Variants in SASH1 observed in about 807,000 individuals in gnomAD.
SASH1 encodes the protein SAM and SH3 domain containing 1, also known as SAM and SH3 domain-containing protein 1.
SASH1 carries 44 observed loss-of-function variants against 125.2 expected under a neutral mutation model. The observed-to-expected ratio is 0.35, with a 90% confidence interval of 0.28 to 0.45. The LOEUF (loss-of-function observed/expected upper bound fraction) is 0.45. Ranked by LOEUF, SASH1 falls within the 20% of genes least tolerant of loss-of-function variation. The probability of loss-of-function intolerance (pLI) is 1.00; values close to 1 mark genes in which losing one functional copy is unlikely to be tolerated. For missense variants in SASH1, 1,426 were observed against 1,614.5 expected, an observed-to-expected ratio of 0.88 and a Z score of 2.00; for synonymous variants, 639 against 649.1, an observed-to-expected ratio of 0.98 and a Z score of 0.24.
At position 148,380,129 on chromosome 6, in the gene SASH1, G is replaced by A. The variant is rs116754271; in HGVS notation, c.157-10005G>A. 5.3e-3 allele frequency among the ~76,000 whole-genome samples: 808 copies of A among 152,256 alleles called. 7 individuals are homozygous for A. Among genetic ancestry groups the A allele is most frequent in the African/African-American group, 0.018 (768 of 41,552 alleles). On this transcript the variant is annotated intron_variant, in intron 1 of 19. Transcript: ENST00000367467. ...GTCATGCCTGTTGTCAGTCAGTTTT[G>A]ATTGAGTTGTCTGGACTCCTGCGTC... is the stretch of plus-strand genomic sequence containing the variant.
chr6:148,454,604 G>T (rs1777251997), intron 4 of SASH1, among the ~76,000 whole-genome samples: 2 of 152,136 alleles, frequency 1.3e-5, no homozygotes, highest in Non-Finnish European at 2.9e-5. Flanking sequence ...TGGGGGAATG[G>T]GTGGTGGAGC....
intron 2 of SASH1, among the ~76,000 whole-genome samples, chr6:148,414,412 G>T (rs1784741679): frequency 6.6e-6 from 1 of 152,204 alleles, no homozygotes; most frequent in Admixed American, 6.5e-5. Flanking sequence ...CCTTGGCATT[G>T]CCACTTATTA....
chr6:148,491,538 G>C (rs1165539206), intron 8 of SASH1, among the ~76,000 whole-genome samples: 1 of 152,182 alleles, frequency 6.6e-6, no homozygotes, highest in Non-Finnish European at 1.5e-5. Flanking sequence ...CCAAAGTACT[G>C]GGATTACAGG....
chr6:148,352,758 CAGG>C (rs1248784109), intron 1 of SASH1, among the ~76,000 whole-genome samples: 1 of 151,976 alleles, frequency 6.6e-6, no homozygotes, highest in Admixed American at 6.6e-5. Flanking sequence ...GATCACCTGT[CAGG>C]AGTTCAAGAC....
intron 1 of SASH1, among the ~76,000 whole-genome samples, chr6:148,326,323 CATATATATATATATATATAT>C (rs56276306): frequency 1.1e-3 from 11 of 9,816 alleles, no homozygotes; most frequent in East Asian, 5.0e-3. Flanking sequence ...CCACCGCATG[CATATATATATATATATATAT>C]ATATATATAT....
At chr6:148,425,980 G>A (rs1476180312) in intron 2 of SASH1, among the ~76,000 whole-genome samples, 2 of 152,048 alleles carry the variant, frequency 1.3e-5, no homozygotes, top group South Asian at 2.1e-4. Context: ...ATGCCAAGGC[G>A]GGCAGATCAC....
At chr6:148,390,816 AT>A (rs1432473698) in intron 2 of SASH1, among the ~76,000 whole-genome samples, 1 of 151,674 alleles carries the variant, frequency 6.6e-6, no homozygotes, top group Non-Finnish European at 1.5e-5. Context: ...TTTTATTTTT[AT>A]TTTTTTACTT....
chr6:148,356,829 C>T (rs1781965149), intron 1 of SASH1, among the ~76,000 whole-genome samples: 1 of 152,170 alleles, frequency 6.6e-6, no homozygotes, highest in South Asian at 2.1e-4. Context: ...AAAGTGTTTT[C>T]CCTTTTCACC....
intron 1 of SASH1, among the ~76,000 whole-genome samples, chr6:148,386,147 T>C (rs1783357571): frequency 6.6e-6 from 1 of 152,128 alleles, no homozygotes; most frequent in Non-Finnish European, 1.5e-5. Context: ...CTTTGGAGTG[T>C]GGAGGGAGGG....
chr6:148,407,695 C>T (rs1562386893), intron 2 of SASH1, among the ~76,000 whole-genome samples: 2 of 152,292 alleles, frequency 1.3e-5, no homozygotes, highest in South Asian at 2.1e-4. Context: ...TGCAGTGGCG[C>T]AGTCTCGGCT....
At chr6:148,194,320 C>T in the SASH1 span, among the ~76,000 whole-genome samples, 4 of 152,164 alleles carry the variant, frequency 2.6e-5, no homozygotes, top group Admixed American at 1.3e-4. Context: ...ACCCCACCCC[C>T]CATTCCAGTG....
At chr6:148,286,370 C>T (rs528858810) in intron 1 of SASH1, among the ~76,000 whole-genome samples, 14 of 151,106 alleles carry the variant, frequency 9.3e-5, no homozygotes, top group African/African-American at 1.9e-4. Flanking sequence ...CACCGCACTC[C>T]GGCCTGGGTG....
chr6:148,388,772 G>C (rs896023082), intron 1 of SASH1, among the ~76,000 whole-genome samples: 1 of 152,252 alleles, frequency 6.6e-6, no homozygotes, highest in African/African-American at 2.4e-5. Context: ...ATCTAAGCCT[G>C]CTTCGCAGTG....
chr6:148,369,940 C>A (rs1186102821), intron 1 of SASH1, among the ~76,000 whole-genome samples: 1 of 111,644 alleles, frequency 9.0e-6, no homozygotes, highest in African/African-American at 3.6e-5. Context: ...AGCAACACAG[C>A]GAGATTGTCT....
the SASH1 span, among the ~76,000 whole-genome samples, chr6:148,198,853 A>G: frequency 6.6e-6 from 1 of 152,244 alleles, no homozygotes; most frequent in African/African-American, 2.4e-5. Flanking sequence ...TTTGAAACAG[A>G]ATCAAAAGAT....
chr6:148,220,707 G>C, the SASH1 span, among the ~76,000 whole-genome samples: 2 of 152,136 alleles, frequency 1.3e-5, no homozygotes, highest in Non-Finnish European at 2.9e-5. Flanking sequence ...TTGAGGCCAG[G>C]AGTTTCAGAC....
At chr6:148,531,159 A>G (rs1449238161) in intron 12 of SASH1, among the ~76,000 whole-genome samples, 3 of 152,156 alleles carry the variant, frequency 2.0e-5, no homozygotes, top group African/African-American at 7.2e-5. Context: ...GTATTCTAGT[A>G]ATCATGGATT....
At chr6:148,311,582 T>C (rs1780331074) in intron 1 of SASH1, among the ~76,000 whole-genome samples, 1 of 152,096 alleles carries the variant, frequency 6.6e-6, no homozygotes, top group East Asian at 1.9e-4. Context: ...GGCAGGAGGA[T>C]TGCTGGAGCC....
intron 5 of SASH1, chr6:148,468,858 T>A (rs1004582547): frequency 3.3e-6 from 1 of 301,442 alleles, no homozygotes; most frequent in African/African-American, 2.2e-5. Flanking sequence ...ACAGAAAAAT[T>A]AGAAGCAACC....
Sources: allele counts gnomAD v4.1 joint callset (sites outside exome capture counted in the v4.1 genomes callset), GRCh38; gene constraint gnomAD v4.1.1; transcripts MANE v1.5; gene names NCBI Gene and HGNC (gene_info 2026-07-23, HGNC 2026-07-21).